UPK1B: variants seen among roughly 807,000 people sequenced by gnomAD.
The protein encoded by UPK1B is uroplakin 1B.
A neutral mutation model predicts 34.2 loss-of-function variants in UPK1B; 28 were observed. The observed-to-expected ratio is 0.82, with a 90% CI of 0.61 to 1.12. The LOEUF (loss-of-function observed/expected upper bound fraction) is 1.12, where lower values mean the gene tolerates loss of function less well. Ranked by LOEUF, UPK1B falls within the 50% of genes most tolerant of loss-of-function variation. UPK1B has a pLI of 0.00. For missense variants in UPK1B, 325 were observed against 320.9 expected (o/e 1.01, Z -0.10); for synonymous variants, 81 against 110.4 (o/e 0.73, Z 1.67).
At chr3:119,180,721 T>A (rs1049314770) in intron 1 of UPK1B, among the ~76,000 whole-genome samples, 1 of 152,056 alleles carries the variant, frequency 6.6e-6, no homozygotes, top group African/African-American at 2.4e-5. Flanking sequence ...TCAAAGCTTT[T>A]CTTTTTTAAC....
intron 5 of UPK1B, among the ~76,000 whole-genome samples, chr3:119,191,701 G>C (rs55976900): frequency 0.37 from 56,913 of 151,824 alleles, 11,741 homozygotes; most frequent in Non-Finnish European, 0.45. Context: ...TCTTTTTCTT[G>C]CTTCATTGGA....
intron 1 of UPK1B, among the ~76,000 whole-genome samples, chr3:119,174,854 C>T (rs2077946074): frequency 6.8e-6 from 1 of 147,048 alleles, no homozygotes; most frequent in Non-Finnish European, 1.5e-5. Flanking sequence ...GATTGTTTTG[C>T]TTTCTGCTAT....
intron 1 of UPK1B, among the ~76,000 whole-genome samples, chr3:119,179,849 A>G (rs2077981281): frequency 1.2e-5 from 1 of 86,182 alleles, no homozygotes; most frequent in African/African-American, 4.9e-5. Flanking sequence ...TTTTGAGACG[A>G]GTGCAATGGC....
chr3:119,188,330 T>G (rs990069449), intron 3 of UPK1B, among the ~76,000 whole-genome samples: 1 of 152,218 alleles, frequency 6.6e-6, no homozygotes, highest in Non-Finnish European at 1.5e-5. Flanking sequence ...ATTCATTAGA[T>G]TTTTTTCTCT....
intron 1 of UPK1B, among the ~76,000 whole-genome samples, chr3:119,183,764 C>T (rs758509666): frequency 4.6e-5 from 7 of 152,140 alleles, no homozygotes; most frequent in African/African-American, 7.2e-5. Flanking sequence ...CTGAAAAACC[C>T]ATCTCTCAGG....
intron 3 of UPK1B, among the ~76,000 whole-genome samples, chr3:119,188,962 G>A (rs2078031789): frequency 6.6e-6 from 1 of 152,100 alleles, no homozygotes; most frequent in African/African-American, 2.4e-5. Flanking sequence ...GTAAGTTCCA[G>A]GGCAAAAGTA....
intron 7 of UPK1B, 132 bp from the exon 8 acceptor site, chr3:119,203,785 G>C: frequency 1.1e-6 from 1 of 922,316 alleles, no homozygotes; most frequent in South Asian, 1.6e-5. Flanking sequence ...TTTTTTAGAA[G>C]AAATAAAAAC....
chr3:119,201,677 G>A (rs959752725), intron 7 of UPK1B, among the ~76,000 whole-genome samples: 1 of 152,174 alleles, frequency 6.6e-6, no homozygotes, highest in Non-Finnish European at 1.5e-5. Flanking sequence ...GATAAACTGA[G>A]TGAGGCAGGA....
intron 7 of UPK1B, among the ~76,000 whole-genome samples, chr3:119,203,336 G>A (rs9844248): frequency 0.24 from 12,020 of 50,086 alleles, 797 homozygotes; most frequent in African/African-American, 0.38. Context: ...GCGAAACTCC[G>A]TCTCAAAAAA....
At chr3:119,180,287 T>C (rs1472931022) in intron 1 of UPK1B, among the ~76,000 whole-genome samples, 2 of 152,254 alleles carry the variant, frequency 1.3e-5, no homozygotes, top group Non-Finnish European at 2.9e-5. Context: ...TCTGCTTTAC[T>C]GCTTTACTCA....
Position 119,204,322 on chromosome 3 carries a change from C to A in UPK1B, c.*355C>A. On this transcript the variant is annotated 3_prime_UTR_variant, in exon 8 of 8. Coordinates refer to ENST00000264234, the MANE Select transcript of UPK1B (RefSeq NM_006952.4). ...GAGCTGTATTTGGCTAGCAATCTGC[C>A]TGTATCTCTCACTATTATCTAAAAG... is the stretch of plus-strand genomic sequence containing the variant. 4.5e-6 allele frequency: 1 copy of A among 220,944 alleles called. No homozygotes were observed. Among genetic ancestry groups the A allele is most frequent in the Non-Finnish European group, 9.0e-6 (1 of 111,614 alleles). 13.7% of individuals were successfully genotyped at this position (220,944 alleles called of 1,614,324 possible). A position where few individuals can be genotyped will look rare whatever the true frequency, so the allele number is the denominator to read the frequency against.
rs540971074 is a variant in UPK1B at position 119,204,680 on chromosome 3, C to G, written c.*713C>G. ...TCACCTGAGGTCAGGAGTTCAAGACCAGCCTGGCCAACATGGTGAAACCCC... is the reference window on the plus strand; with the variant it reads ...TCACCTGAGGTCAGGAGTTCAAGACGAGCCTGGCCAACATGGTGAAACCCC... On this transcript the variant is annotated 3_prime_UTR_variant, in exon 8 of 8. Coordinates refer to ENST00000264234, the MANE Select transcript of UPK1B (RefSeq NM_006952.4). 6.6e-6 allele frequency: 1 copy of G among 152,322 alleles called. No individual in the cohort carries two copies. Among genetic ancestry groups the G allele is most frequent in the African/African-American group, 2.4e-5 (1 of 41,556 alleles). 9.4% of individuals were successfully genotyped at this position (152,322 alleles called of 1,614,324 possible). A position where few individuals can be genotyped will look rare whatever the true frequency, so the allele number is the denominator to read the frequency against.
chr3:119,199,672 T>G (rs1341833534), intron 7 of UPK1B, among the ~76,000 whole-genome samples: 1 of 152,204 alleles, frequency 6.6e-6, no homozygotes, highest in East Asian at 1.9e-4. Context: ...GAAACTTTTT[T>G]TAAAAATTGC....
chr3:119,186,478 A>G (rs897816310), intron 1 of UPK1B, among the ~76,000 whole-genome samples: 12 of 152,228 alleles, frequency 7.9e-5, no homozygotes, highest in Non-Finnish European at 1.5e-5. Context: ...TGCATTCTGC[A>G]CACTCCTTGC....
chr3:119,201,203 A>C (rs1026450904), intron 7 of UPK1B, among the ~76,000 whole-genome samples: 1 of 152,228 alleles, frequency 6.6e-6, no homozygotes, highest in Non-Finnish European at 1.5e-5. Context: ...AAGGCAAATA[A>C]ATTCTCATTG....
chr3:119,195,830 G>A (rs2078064414), intron 6 of UPK1B, among the ~76,000 whole-genome samples: 1 of 152,218 alleles, frequency 6.6e-6, no homozygotes, highest in South Asian at 2.1e-4. Context: ...TAGTTATGAG[G>A]ACAAACCTGA....
At chr3:119,182,294 C>T (rs2077993158) in intron 1 of UPK1B, among the ~76,000 whole-genome samples, 1 of 152,202 alleles carries the variant, frequency 6.6e-6, no homozygotes. Context: ...TGCTTCTCCT[C>T]AATCTAAGAG....
intron 1 of UPK1B, among the ~76,000 whole-genome samples, chr3:119,176,640 T>A (rs1487033745): frequency 1.3e-5 from 2 of 152,218 alleles, no homozygotes; most frequent in Non-Finnish European, 2.9e-5. Context: ...GTGAGTTGCG[T>A]ACTTTCAGTC....
intron 1 of UPK1B, among the ~76,000 whole-genome samples, chr3:119,181,232 A>T (rs2107426640): frequency 6.6e-6 from 1 of 152,270 alleles, no homozygotes. Context: ...GAGAAGTACC[A>T]TTCTGATCTG....
Sources: gnomAD v4.1 joint callset for allele counts (sites outside exome capture counted in the v4.1 genomes callset) on GRCh38, gnomAD v4.1.1 for gene constraint, MANE v1.5 for transcripts, NCBI Gene and HGNC (gene_info 2026-07-23, HGNC 2026-07-21) for gene names.